Variants in TLL1 observed in about 807,000 individuals in gnomAD.
The protein encoded by TLL1 is tolloid like 1.
Under a neutral mutation model 128.2 loss-of-function variants are expected in TLL1, and 49 were observed. The observed-to-expected ratio is 0.38, with a 90% CI of 0.30 to 0.48. The LOEUF (loss-of-function observed/expected upper bound fraction) is 0.48. TLL1 is among the 20% of genes least tolerant of loss of function. The probability of loss-of-function intolerance (pLI) is 0.96; values close to 1 mark genes in which losing one functional copy is unlikely to be tolerated. For missense variants in TLL1, 1,123 were observed against 1,242.0 expected (o/e 0.90, Z 1.44); for synonymous variants, 454 against 418.8 (o/e 1.08, Z -1.03).
At chr4:166,026,431 A>G (rs1281752227) in intron 9 of TLL1, among the ~76,000 whole-genome samples, 2 of 152,154 alleles carry the variant, frequency 1.3e-5, no homozygotes, top group Non-Finnish European at 2.9e-5. Flanking sequence ...TCACGCCTGT[A>G]ATCCCAACAC....
chr4:165,996,756 G>T (rs973281081), intron 5 of TLL1, among the ~76,000 whole-genome samples: 4 of 151,634 alleles, frequency 2.6e-5, no homozygotes, highest in African/African-American at 4.8e-5. Flanking sequence ...AATTATTTTA[G>T]AAATGTGAAA....
At chr4:165,974,777 G>A (rs1243182853) in intron 1 of TLL1, among the ~76,000 whole-genome samples, 1 of 152,160 alleles carries the variant, frequency 6.6e-6, no homozygotes, top group Non-Finnish European at 1.5e-5. Flanking sequence ...CCCAGGATGG[G>A]ATTCTCATTG....
intron 14 of TLL1, among the ~76,000 whole-genome samples, chr4:166,058,124 C>A (rs1396777439): frequency 6.6e-6 from 1 of 151,900 alleles, no homozygotes; most frequent in Non-Finnish European, 1.5e-5. Context: ...AGATTTTTAT[C>A]TATCCATCCT....
At position 166,065,766 on chromosome 4, in the gene TLL1, G is replaced by GC; in HGVS notation, c.2093dup (p.Glu699Ter). On this transcript the variant is annotated frameshift_variant, in exon 16 of 21. Coordinates refer to ENST00000061240, the MANE Select transcript of TLL1 (RefSeq NM_012464.5). LOFTEE classifies it high-confidence loss of function. ...ATGGCAAATTCTGTGGCGCTGAAGT[G>GC]CCTGAAGTGATCACATCCCAGTTCA... The GC allele has an allele frequency of 6.2e-7, 1 of 1,613,018 alleles. No homozygotes were observed. The highest frequency in any genetic ancestry group is 8.5e-7 in the Non-Finnish European group (1 of 1,179,358).
At chr4:166,030,881 G>C in intron 9 of TLL1, 1 of 987,656 alleles carries the variant, frequency 1.0e-6, no homozygotes, top group Non-Finnish European at 1.2e-6. Context: ...TTTTTTACAT[G>C]AATTTATAAA....
intron 1 of TLL1, among the ~76,000 whole-genome samples, chr4:165,896,908 A>G (rs935259590): frequency 6.6e-6 from 1 of 152,196 alleles, no homozygotes; most frequent in Non-Finnish European, 1.5e-5. Flanking sequence ...CCTCTCCAGC[A>G]TCTGTTGCTT....
chr4:166,023,899 T>A (rs771431350), intron 8 of TLL1, among the ~76,000 whole-genome samples: 1 of 150,970 alleles, frequency 6.6e-6, no homozygotes, highest in Non-Finnish European at 1.5e-5. Flanking sequence ...TTTAAACTGC[T>A]GTTAATTATA....
chr4:166,066,147 A>G (rs920546346), intron 16 of TLL1, among the ~76,000 whole-genome samples: 3 of 151,764 alleles, frequency 2.0e-5, no homozygotes, highest in East Asian at 3.9e-4. Flanking sequence ...ACAGTTTTTT[A>G]TCTTTTTATT....
At chr4:165,925,506 G>A (rs1733229627) in intron 1 of TLL1, among the ~76,000 whole-genome samples, 2 of 152,102 alleles carry the variant, frequency 1.3e-5, no homozygotes, top group Admixed American at 1.3e-4. Flanking sequence ...AAACTTGAGT[G>A]GATAAAGAAT....
At chr4:165,890,847 G>A (rs935425727) in intron 1 of TLL1, among the ~76,000 whole-genome samples, 1 of 152,240 alleles carries the variant, frequency 6.6e-6, no homozygotes, top group Non-Finnish European at 1.5e-5. Context: ...GGGACTCTGT[G>A]TGGGTGTTCT....
At chr4:166,044,081 A>G (rs1353168246) in intron 12 of TLL1, among the ~76,000 whole-genome samples, 3 of 152,122 alleles carry the variant, frequency 2.0e-5, no homozygotes, top group Non-Finnish European at 2.9e-5. Flanking sequence ...AAATAGAGGA[A>G]TTTCTCAGGA....
At chr4:166,001,524 C>A (rs1011931983) in intron 5 of TLL1, among the ~76,000 whole-genome samples, 6 of 151,852 alleles carry the variant, frequency 4.0e-5, no homozygotes, top group Admixed American at 1.3e-4. Flanking sequence ...TGAGGCTGGC[C>A]ACAATGGCCC....
At position 166,100,909 on chromosome 4, in the gene TLL1, T is replaced by C. The variant is rs1411337567; in HGVS notation, c.*33T>C. 1 of 1,610,732 alleles carries C rather than the reference T, an allele frequency of 6.2e-7. No homozygotes were observed. The highest frequency in any genetic ancestry group is 1.7e-5 in the Admixed American group (1 of 59,736). On this transcript the variant is annotated 3_prime_UTR_variant, in exon 21 of 21. Transcript: ENST00000061240. ...ACCTCTGTCAGAACACAAAGGAATG[T>C]GCATAATGGAGAGAAGACATATTTT...
chr4:166,089,822 G>T (rs1201504639), intron 18 of TLL1, among the ~76,000 whole-genome samples: 1 of 151,946 alleles, frequency 6.6e-6, no homozygotes, highest in Admixed American at 6.6e-5. Context: ...ACAAAAGAGA[G>T]ATCAGCTTTT....
At chr4:165,918,677 A>G (rs1732892025) in intron 1 of TLL1, among the ~76,000 whole-genome samples, 1 of 152,020 alleles carries the variant, frequency 6.6e-6, no homozygotes, top group South Asian at 2.1e-4. Context: ...GTCTCCTCTT[A>G]CACGGTGGTT....
In TLL1 at chr4:165,873,916, A is replaced by G; in HGVS notation, c.12A>G (p.Gly4=). 1 of 1,613,862 alleles carries G rather than the reference A, an allele frequency of 6.2e-7. No homozygotes were observed. Among genetic ancestry groups the G allele is most frequent in the Non-Finnish European group, 8.5e-7 (1 of 1,179,972 alleles). MGL[G]TLSPRMLVWL... ...TCCGGGGGAGGAGGATGGGGTTGGG[A>G]ACGCTTTCCCCGAGGATGCTCGTGT... Residue 4 remains glycine (G), a synonymous_variant, in exon 1 of 21, where the codon GGA becomes GGG. Transcript: ENST00000061240.
intron 9 of TLL1, 114 bp downstream of exon 9, chr4:166,025,545 T>C (rs939791836): frequency 2.4e-6 from 2 of 841,396 alleles, no homozygotes; most frequent in African/African-American, 1.7e-5. Context: ...TCAAATGGAC[T>C]AAAAAGTTCA....
intron 9 of TLL1, among the ~76,000 whole-genome samples, chr4:166,031,363 C>CTTTTTTT (rs35799879): frequency 2.0e-4 from 20 of 102,282 alleles, no homozygotes; most frequent in African/African-American, 3.8e-4. Flanking sequence ...ATTGCAAGGT[C>CTTTTTTT]TTTTTTTTTT....
intron 13 of TLL1, among the ~76,000 whole-genome samples, chr4:166,055,923 A>G (rs972502537): frequency 1.3e-5 from 2 of 152,120 alleles, no homozygotes; most frequent in African/African-American, 2.4e-5. Flanking sequence ...AAATTTTTCT[A>G]TGGGAAGAGA....
Sources: allele counts gnomAD v4.1 joint callset (sites outside exome capture counted in the v4.1 genomes callset), GRCh38; gene constraint gnomAD v4.1.1; transcripts MANE v1.5; gene names NCBI Gene and HGNC (gene_info 2026-07-23, HGNC 2026-07-21).